Variants in DOCK10 observed in about 807,000 individuals in gnomAD.
The protein encoded by DOCK10 is dedicator of cytokinesis protein 10.
In DOCK10, 145 loss-of-function variants were observed where a neutral mutation model predicts 280.1. That is an observed-to-expected ratio of 0.52 (90% CI 0.45 to 0.59). DOCK10 has a LOEUF of 0.59. Ranked by LOEUF, DOCK10 falls within the 20% of genes least tolerant of loss-of-function variation. The pLI, the probability that DOCK10 is intolerant of heterozygous loss-of-function variation, is 0.00. For missense variants in DOCK10, 2,368 were observed against 2,651.7 expected, an observed-to-expected ratio of 0.89 and a Z score of 2.35; for synonymous variants, 915 against 942.2, an observed-to-expected ratio of 0.97 and a Z score of 0.53.
chr2:224,990,669 G>A (rs1706103025), intron 1 of DOCK10, among the ~76,000 whole-genome samples: 2 of 152,288 alleles, frequency 1.3e-5, no homozygotes, highest in Non-Finnish European at 2.9e-5. Flanking sequence ...TCTTCCCTGA[G>A]TGATGGGGGA....
At chr2:224,961,412 C>CTTTCTTTTTCTT (rs57668925) in intron 1 of DOCK10, among the ~76,000 whole-genome samples, 53 of 119,464 alleles carry the variant, frequency 4.4e-4, no homozygotes, top group Middle Eastern at 4.5e-3. Context: ...TTCTTTCTTT[C>CTTTCTTTTTCTT]TCTTTCTTTC....
chr2:224,850,451 T>A (rs751826024), intron 18 of DOCK10, among the ~76,000 whole-genome samples: 54 of 152,058 alleles, frequency 3.6e-4, no homozygotes, highest in Non-Finnish European at 6.5e-4. Flanking sequence ...CCCAGGAAAA[T>A]AACAATGACT....
intron 4 of DOCK10, among the ~76,000 whole-genome samples, chr2:224,895,263 C>T (rs1485984520): frequency 6.6e-6 from 1 of 152,202 alleles, no homozygotes; most frequent in Non-Finnish European, 1.5e-5. Flanking sequence ...TCTGGGGCCA[C>T]AGGAAATATA....
chr2:224,885,597 A>G, intron 7 of DOCK10, 74 bp downstream of exon 7: 1 of 1,422,552 alleles, frequency 7.0e-7, no homozygotes, highest in African/African-American at 1.4e-5. Flanking sequence ...CATATCAGAT[A>G]CTCCATGAAT....
chr2:224,912,485 T>C (rs944187104), intron 3 of DOCK10, among the ~76,000 whole-genome samples: 2 of 152,128 alleles, frequency 1.3e-5, no homozygotes, highest in African/African-American at 2.4e-5. Context: ...CCAAAATAGC[T>C]TTTAAATTAC....
chr2:224,827,152 G>C (rs923502833), intron 27 of DOCK10, among the ~76,000 whole-genome samples: 9 of 150,800 alleles, frequency 6.0e-5, no homozygotes, highest in African/African-American at 2.2e-4. Flanking sequence ...AATCCAAGCT[G>C]CTTGGGAGGC....
intron 1 of DOCK10, among the ~76,000 whole-genome samples, chr2:224,977,465 T>C (rs139209649): frequency 1.4e-3 from 209 of 152,322 alleles, no homozygotes; most frequent in African/African-American, 4.9e-3. Flanking sequence ...CTTCTGGGGT[T>C]GGTGATGAGT....
chr2:224,962,053 G>T (rs985650675), intron 1 of DOCK10, among the ~76,000 whole-genome samples: 1 of 152,274 alleles, frequency 6.6e-6, no homozygotes. Context: ...TGACAGCATG[G>T]TGGCTGGCTG....
intron 26 of DOCK10, among the ~76,000 whole-genome samples, chr2:224,833,259 C>T (rs1214590485): frequency 2.0e-5 from 3 of 151,934 alleles, no homozygotes; most frequent in Admixed American, 6.5e-5. Flanking sequence ...TGAGTGGGAA[C>T]GCCTGGCCTA....
At chr2:224,991,276 T>C (rs1706121420) in intron 1 of DOCK10, among the ~76,000 whole-genome samples, 1 of 152,180 alleles carries the variant, frequency 6.6e-6, no homozygotes. Flanking sequence ...AGTTTTGGAA[T>C]TGAAGAGACC....
At chr2:224,813,656 A>G (rs1574865527) in intron 31 of DOCK10, among the ~76,000 whole-genome samples, 1 of 152,226 alleles carries the variant, frequency 6.6e-6, no homozygotes, top group East Asian at 1.9e-4. Flanking sequence ...ATAATTAACT[A>G]TTAGAATATT....
chr2:224,896,720 A>G (rs1276443360), intron 3 of DOCK10, among the ~76,000 whole-genome samples: 2 of 152,162 alleles, frequency 1.3e-5, no homozygotes, highest in African/African-American at 4.8e-5. Flanking sequence ...TCGTCTCACA[A>G]AAAAAAGAAA....
In DOCK10 at chr2:224,811,799, T is replaced by C. The variant is rs939218863; in HGVS notation, c.3409+2521A>G. Among the ~76,000 whole-genome samples the C allele has an allele frequency of 2.0e-5, 3 of 151,394 alleles. No individual in the cohort carries two copies. In the East Asian group the frequency reaches 5.8e-4, roughly 29 times the overall value. Reference sequence around the variant, plus strand: ...TTGTCAAAGATCAGATGGTTGTAGATATGCGGCATTATTTCTGAGGGCTCT... The same window carrying C: ...TTGTCAAAGATCAGATGGTTGTAGACATGCGGCATTATTTCTGAGGGCTCT... On this transcript the variant is annotated intron_variant, in intron 31 of 55. Coordinates refer to ENST00000258390, the MANE Select transcript of DOCK10 (RefSeq NM_014689.3).
intron 27 of DOCK10, among the ~76,000 whole-genome samples, chr2:224,825,849 C>T (rs929931476): frequency 6.6e-6 from 1 of 152,190 alleles, no homozygotes; most frequent in Non-Finnish European, 1.5e-5. Context: ...ACTTCCCAAG[C>T]TGCAGAGCTG....
At chr2:224,864,526 G>A in intron 13 of DOCK10, 27 bp downstream of exon 13, 1 of 1,518,380 alleles carries the variant, frequency 6.6e-7, no homozygotes, top group Non-Finnish European at 8.8e-7. Context: ...AAAAGGAAGT[G>A]AAGTTATTTA....
chr2:224,938,420 C>A (rs1702819495), intron 1 of DOCK10, among the ~76,000 whole-genome samples: 1 of 152,150 alleles, frequency 6.6e-6, no homozygotes, highest in African/African-American at 2.4e-5. Context: ...AGAGTAGGCT[C>A]TATTAGAACA....
In DOCK10 at chr2:224,807,613, A is replaced by T. The variant is rs191217072; in HGVS notation, c.3702+55T>A. 158 of 1,273,716 alleles carry T rather than the reference A, an allele frequency of 1.2e-4. No individual in the cohort carries two copies. In the Admixed American group the frequency reaches 1.9e-3, roughly 15 times the overall value. The allele number at this position is 1,273,716 out of a possible 1,614,324, so 78.9% of individuals were successfully genotyped here. ...TGGTTATCCAGGGCAAAAAATAATTAAAAAAAGACAAATTCTTTATTAACA... is the reference window on the plus strand; with the variant it reads ...TGGTTATCCAGGGCAAAAAATAATTTAAAAAAGACAAATTCTTTATTAACA... On this transcript the variant is annotated intron_variant, in intron 33 of 55. Coordinates refer to ENST00000258390, the MANE Select transcript of DOCK10 (RefSeq NM_014689.3).
intron 24 of DOCK10, among the ~76,000 whole-genome samples, chr2:224,838,905 T>C (rs1389067049): frequency 6.6e-6 from 1 of 152,162 alleles, no homozygotes; most frequent in East Asian, 1.9e-4. Context: ...AAGCATTTAA[T>C]ACTTAAAAAA....
At chr2:224,908,231 A>G (rs1575037297) in intron 3 of DOCK10, among the ~76,000 whole-genome samples, 1 of 145,038 alleles carries the variant, frequency 6.9e-6, no homozygotes, top group Non-Finnish European at 1.5e-5. Context: ...AGAGATTTCA[A>G]CAACATTTAC....
Sources: gnomAD v4.1 joint callset for allele counts (sites outside exome capture counted in the v4.1 genomes callset) on GRCh38, gnomAD v4.1.1 for gene constraint, MANE v1.5 for transcripts, NCBI Gene and HGNC (gene_info 2026-07-23, HGNC 2026-07-21) for gene names.